The following CDK15 variants were observed in gnomAD, a reference collection of about 807,000 sequenced individuals.
CDK15 encodes cyclin-dependent kinase 15.
Under a neutral mutation model 60.3 loss-of-function variants are expected in CDK15, and 62 were observed. The ratio of observed to expected loss-of-function variants is 1.03; its 90% CI spans 0.84 to 1.27. The LOEUF is 1.27. Among genes scored for constraint, CDK15 ranks in the 50% most tolerant of loss-of-function variants. The pLI, the probability that CDK15 is intolerant of heterozygous loss-of-function variation, is 0.00. For synonymous variants in CDK15, 194 were observed against 195.7 expected, an observed-to-expected ratio of 0.99 and a Z score of 0.07; for missense variants, 541 against 527.8, an observed-to-expected ratio of 1.03 and a Z score of -0.25.
chr2:201,859,106 G>A (rs1698272499), intron 10 of CDK15, among the ~76,000 whole-genome samples: 1 of 152,168 alleles, frequency 6.6e-6, no homozygotes, highest in Admixed American at 6.6e-5. Flanking sequence ...CAGTGGGGGA[G>A]GGGAGAGAGT....
chr2:201,825,282 T>C (rs6747501), intron 6 of CDK15, among the ~76,000 whole-genome samples: 40,222 of 141,766 alleles, frequency 0.28, 5,641 homozygotes, highest in East Asian at 0.42. Context: ...CAATGCACTG[T>C]AGCCTGGATG....
intron 3 of CDK15, 31 bp downstream of exon 3, chr2:201,807,983 G>A: frequency 6.4e-7 from 1 of 1,567,904 alleles, no homozygotes; most frequent in Non-Finnish European, 8.7e-7. Context: ...AGAGACTTTA[G>A]AGATGAGAGT....
In CDK15 at chr2:201,822,302, T is replaced by C. The variant is rs902287344; in HGVS notation, c.449-507T>C. Among the ~76,000 whole-genome samples the C allele has an allele frequency of 2.4e-4, 36 of 152,368 alleles. 4 individuals carry two copies. Among genetic ancestry groups the C allele is most frequent in the Admixed American group, 1.9e-3 (29 of 15,300 alleles). On this transcript the variant is annotated intron_variant, in intron 4 of 13. Coordinates refer to ENST00000652192, the MANE Select transcript of CDK15 (RefSeq NM_001366386.2). ...TCCAGTCTCTATCATGTTTCAACAG[T>C]TCTTTACCCCATGCTTTTATCCCTG...
At chr2:201,829,061 A>C (rs537657361) in intron 6 of CDK15, among the ~76,000 whole-genome samples, 107 of 152,348 alleles carry the variant, frequency 7.0e-4, no homozygotes, top group Non-Finnish European at 1.2e-3. Flanking sequence ...ACAATATCAC[A>C]GTCGTGCTAT....
At chr2:201,819,360 G>C (rs1696125661) in intron 4 of CDK15, among the ~76,000 whole-genome samples, 2 of 152,218 alleles carry the variant, frequency 1.3e-5, no homozygotes, top group African/African-American at 4.8e-5. Context: ...CTAAGGAACA[G>C]CTAGGAGGCC....
At chr2:201,835,229 G>C (rs1479468986) in intron 7 of CDK15, among the ~76,000 whole-genome samples, 1 of 152,114 alleles carries the variant, frequency 6.6e-6, no homozygotes, top group Non-Finnish European at 1.5e-5. Context: ...TCTTGGCCCA[G>C]GCTGCTTCTG....
At chr2:201,832,100 C>T (rs1349923098) in intron 6 of CDK15, among the ~76,000 whole-genome samples, 1 of 150,890 alleles carries the variant, frequency 6.6e-6, no homozygotes, top group Non-Finnish European at 1.5e-5. Flanking sequence ...GGCTGGAGTG[C>T]AGAGGCACGA....
chr2:201,808,355 A>T (rs1449121832), intron 3 of CDK15, among the ~76,000 whole-genome samples: 1 of 152,206 alleles, frequency 6.6e-6, no homozygotes, highest in African/African-American at 2.4e-5. Flanking sequence ...GCAACCTGGA[A>T]TTTGCTGCTT....
chr2:201,891,838 A>G (rs1479942920), intron 13 of CDK15, among the ~76,000 whole-genome samples: 1 of 152,158 alleles, frequency 6.6e-6, no homozygotes, highest in Non-Finnish European at 1.5e-5. Flanking sequence ...GACCCTGGCT[A>G]TATTCCAAAC....
At chr2:201,837,443 AAGGAAAGGAAGG>A (rs1697166115) in intron 8 of CDK15, among the ~76,000 whole-genome samples, 3 of 68,248 alleles carry the variant, frequency 4.4e-5, no homozygotes, top group African/African-American at 2.1e-4. Context: ...GGAAGGAAGG[AAGGAAAGGAAGG>A]AAGGAAGGAA....
intron 9 of CDK15, among the ~76,000 whole-genome samples, chr2:201,847,966 A>G (rs1280590649): frequency 6.6e-6 from 1 of 152,134 alleles, no homozygotes; most frequent in Non-Finnish European, 1.5e-5. Context: ...CCCCATCCCT[A>G]CAAAAACAAA....
intron 8 of CDK15, among the ~76,000 whole-genome samples, chr2:201,841,709 G>C (rs987995414): frequency 6.6e-6 from 1 of 152,218 alleles, no homozygotes; most frequent in African/African-American, 2.4e-5. Context: ...GTAGTGCAGA[G>C]CCTCTCCTTC....
rs139496477 is a variant in CDK15 at position 201,812,538 on chromosome 2, G to A, written c.424G>A (p.Val142Ile). 1.9e-5 allele frequency: 31 copies of A among 1,613,026 alleles called. No homozygotes were observed. The highest frequency in any genetic ancestry group is 1.7e-4 in the Middle Eastern group (1 of 6,052). The change falls in exon 4 of 14, where the codon GTC becomes ATC. Residue 142 changes from valine (V) to isoleucine (I), a missense_variant. Transcript: ENST00000652192. ...KVISMNAEEG[V>I]PFTAIREASL... Reference sequence around the variant, plus strand: ...CATCAGCATGAATGCAGAGGAAGGAGTCCCATTTACAGCTATCCGAGAAGG... The same window carrying A: ...CATCAGCATGAATGCAGAGGAAGGAATCCCATTTACAGCTATCCGAGAAGG...
At chr2:201,867,457 C>T (rs1698677902) in intron 10 of CDK15, among the ~76,000 whole-genome samples, 1 of 152,132 alleles carries the variant, frequency 6.6e-6, no homozygotes, top group South Asian at 2.1e-4. Context: ...GACCCCATCT[C>T]TACAGAAAAT....
chr2:201,869,169 T>C (rs11894482), intron 10 of CDK15, among the ~76,000 whole-genome samples: 55,564 of 152,012 alleles, frequency 0.37, 11,549 homozygotes, highest in African/African-American at 0.54. Context: ...GAAAATGTGG[T>C]ACATATACAC....
chr2:201,882,920 C>G lies in CDK15; in HGVS notation c.1198+2753C>G, dbSNP rs1260359747. On this transcript the variant is annotated intron_variant, in intron 12 of 13. Transcript: ENST00000652192. The surrounding 1 kb of genome is among the most constrained non-coding windows in gnomAD (Gnocchi z 4.0). Reference sequence around the variant, plus strand: ...GTGCCAGCCTGCTTTTTCATTGCCCCTGGCAATGAGCCTTTATTAACAGCC... The same window carrying G: ...GTGCCAGCCTGCTTTTTCATTGCCCGTGGCAATGAGCCTTTATTAACAGCC... 6.6e-6 allele frequency among the ~76,000 whole-genome samples: 1 copy of G among 152,182 alleles called. No individual in the cohort carries two copies. Among genetic ancestry groups the G allele is most frequent in the African/African-American group, 2.4e-5 (1 of 41,436 alleles).
chr2:201,889,945 A>T (rs753973725), intron 12 of CDK15, among the ~76,000 whole-genome samples: 1 of 151,500 alleles, frequency 6.6e-6, no homozygotes, highest in Non-Finnish European at 1.5e-5. Flanking sequence ...AGCTACTGCG[A>T]GGCTGAGGCA....
At chr2:201,887,015 TA>T (rs1305883600) in intron 12 of CDK15, among the ~76,000 whole-genome samples, 1 of 152,222 alleles carries the variant, frequency 6.6e-6, no homozygotes, top group Non-Finnish European at 1.5e-5. Context: ...AATAATTGAA[TA>T]GGGGGGAAAA....
chr2:201,806,552 G>C lies in CDK15; in HGVS notation c.-113G>C. 1 of 1,247,966 alleles carries C rather than the reference G, an allele frequency of 8.0e-7. No individual in the cohort carries two copies. The allele number at this position is 1,247,966 out of a possible 1,614,324, so 77.3% of individuals were successfully genotyped here. On this transcript the variant is annotated 5_prime_UTR_variant, in exon 1 of 14. Transcript: ENST00000652192. ...TGCTCCAGGCAGAGCCATCATGTGA[G>C]TCATATGAAAGCTCCACGCTGCTGA...
Sources: allele counts gnomAD v4.1 joint callset (sites outside exome capture counted in the v4.1 genomes callset), GRCh38; gene constraint gnomAD v4.1.1; non-coding constraint Gnocchi (gnomAD v3.1); transcripts MANE v1.5; gene names NCBI Gene and HGNC (gene_info 2026-07-23, HGNC 2026-07-21).